The following STPG2 variants were observed in gnomAD, a reference collection of about 807,000 sequenced individuals.
The protein encoded by STPG2 is sperm tail PG-rich repeat containing 2.
In STPG2, 56 loss-of-function variants were observed where a neutral mutation model predicts 54.2. That is an observed-to-expected ratio of 1.03 (90% CI 0.83 to 1.29). The LOEUF (loss-of-function observed/expected upper bound fraction) is 1.29, where lower values mean the gene tolerates loss of function less well. STPG2 is among the 50% of genes most tolerant of loss of function. The probability of loss-of-function intolerance (pLI) is 0.00; values close to 1 mark genes in which losing one functional copy is unlikely to be tolerated. For missense variants in STPG2, 596 were observed against 544.9 expected (o/e 1.09, Z -0.93); for synonymous variants, 200 against 181.8 (o/e 1.10, Z -0.81).
intron 9 of STPG2, among the ~76,000 whole-genome samples, chr4:97,782,014 A>C (rs1726644108): frequency 1.3e-5 from 2 of 152,208 alleles, no homozygotes; most frequent in African/African-American, 4.8e-5. Context: ...TCCCTTTGAA[A>C]ACTGGCACAA....
At chr4:97,965,411 G>C (rs531443678) in intron 7 of STPG2, among the ~76,000 whole-genome samples, 7 of 152,330 alleles carry the variant, frequency 4.6e-5, no homozygotes, top group Non-Finnish European at 8.8e-5. Flanking sequence ...TTGGTGGGCA[G>C]GGCATAGTGA....
chr4:97,741,001 G>T (rs1725208982), intron 9 of STPG2, among the ~76,000 whole-genome samples: 1 of 152,022 alleles, frequency 6.6e-6, no homozygotes, highest in African/African-American at 2.4e-5. Flanking sequence ...GCATGGTACT[G>T]GTACCAAACA....
chr4:97,979,878 C>T (rs943604635), intron 6 of STPG2, among the ~76,000 whole-genome samples: 1 of 152,016 alleles, frequency 6.6e-6, no homozygotes, highest in South Asian at 2.1e-4. Flanking sequence ...ATGCGCACCA[C>T]CACACCCGAC....
At chr4:97,469,357 A>G (rs1233289741) in intron 4 of STPG2, among the ~76,000 whole-genome samples, 1 of 152,128 alleles carries the variant, frequency 6.6e-6, no homozygotes. Flanking sequence ...CCAAAACCAG[A>G]AATGAAGGAA....
At chr4:97,749,900 G>A (rs1725531980) in intron 9 of STPG2, among the ~76,000 whole-genome samples, 1 of 151,712 alleles carries the variant, frequency 6.6e-6, no homozygotes, top group Admixed American at 6.6e-5. Context: ...TTATTTCTGA[G>A]AATCTTGTGA....
At position 98,140,927 on chromosome 4, in the gene STPG2, C is replaced by A. The variant is rs1740264491; in HGVS notation, c.109+2115G>T. On this transcript the variant is annotated intron_variant, in intron 1 of 10. Transcript: ENST00000295268. ...AAATCACCTGTATCTCTTAAGATTT[C>A]CTTCTGGGAGTCATCAGAATCAGAA... is the stretch of plus-strand genomic sequence containing the variant. 2.0e-5 allele frequency among the ~76,000 whole-genome samples: 3 copies of A among 152,150 alleles called. No homozygotes were observed. In the South Asian group the frequency reaches 6.2e-4, roughly 31 times the overall value.
chr4:97,965,792 A>AACTAACAAACAAAAAGGAAT (rs1398641341), intron 7 of STPG2, among the ~76,000 whole-genome samples: 1 of 152,216 alleles, frequency 6.6e-6, no homozygotes, highest in Admixed American at 6.5e-5. Flanking sequence ...TTAAAAGGAA[A>AACTAACAAACAAAAAGGAAT]ACTAACAAAC....
chr4:97,471,498 A>T (rs1729927540), intron 4 of STPG2, among the ~76,000 whole-genome samples: 1 of 152,150 alleles, frequency 6.6e-6, no homozygotes, highest in Non-Finnish European at 1.5e-5. Context: ...TAAGTAATTG[A>T]AGTGATTCTT....
intron 8 of STPG2, among the ~76,000 whole-genome samples, chr4:97,906,428 A>C (rs142570626): frequency 0.071 from 10,784 of 152,266 alleles, 550 homozygotes; most frequent in Non-Finnish European, 0.11. Context: ...GCCGAATTCT[A>C]CCAGAGGTAC....
At chr4:97,664,926 G>C (rs1235281751) in intron 10 of STPG2, among the ~76,000 whole-genome samples, 1 of 152,004 alleles carries the variant, frequency 6.6e-6, no homozygotes, top group Non-Finnish European at 1.5e-5. Flanking sequence ...CAAGCGTGGG[G>C]TCCAGCCACT....
chr4:97,473,501 C>A (rs1729994941), intron 4 of STPG2, among the ~76,000 whole-genome samples: 1 of 152,130 alleles, frequency 6.6e-6, no homozygotes, highest in Non-Finnish European at 1.5e-5. Context: ...TTTGGTCAGA[C>A]CGGTTGCTCT....
intron 9 of STPG2, among the ~76,000 whole-genome samples, chr4:97,808,676 T>G (rs1578583201): frequency 7.5e-6 from 1 of 132,912 alleles, no homozygotes; most frequent in African/African-American, 2.9e-5. Flanking sequence ...ATTTTTAAAT[T>G]AGATATAAAA....
At chr4:97,859,776 TC>T (rs1560558321) in intron 8 of STPG2, among the ~76,000 whole-genome samples, 1 of 152,188 alleles carries the variant, frequency 6.6e-6, no homozygotes, top group Non-Finnish European at 1.5e-5. Flanking sequence ...AGCTTTTGAG[TC>T]CTTGGTCATC....
At chr4:97,816,790 TTCTG>T (rs1394485832) in intron 9 of STPG2, among the ~76,000 whole-genome samples, 6 of 151,082 alleles carry the variant, frequency 4.0e-5, no homozygotes, top group African/African-American at 1.5e-4. Flanking sequence ...TTCACTCTCT[TTCTG>T]TCTCTCTCTC....
At chr4:97,701,951 G>A (rs1723792907) in intron 10 of STPG2, among the ~76,000 whole-genome samples, 1 of 152,082 alleles carries the variant, frequency 6.6e-6, no homozygotes, top group African/African-American at 2.4e-5. Context: ...ATTGTTAGAT[G>A]TGACATACAG....
Position 97,834,892 on chromosome 4 carries a change from A to G in STPG2, c.1204+5881T>C, listed in dbSNP as rs544111382. Among the ~76,000 whole-genome samples, 11 of 152,112 alleles carry G rather than the reference A, an allele frequency of 7.2e-5. No individual in the cohort carries two copies. In the South Asian group the frequency reaches 2.1e-3, roughly 29 times the overall value. On this transcript the variant is annotated intron_variant, in intron 9 of 10. Transcript: ENST00000295268. Reference sequence around the variant, plus strand: ...GACCCAATAGTTAGGCAGCAATATTATTGCCCCTGTTCAGCCTGAAGTTAC... The same window carrying G: ...GACCCAATAGTTAGGCAGCAATATTGTTGCCCCTGTTCAGCCTGAAGTTAC...
chr4:97,984,801 T>TTCCATGGTGTAAATAC (rs11272449), intron 5 of STPG2, among the ~76,000 whole-genome samples: 127,376 of 152,058 alleles, frequency 0.84, 53,520 homozygotes, highest in Middle Eastern at 0.94. Flanking sequence ...ATTTGCTGAT[T>TTCCATGGTGTAAATAC]ACCCGCAACA....
chr4:97,867,730 T>C (rs1729844563), intron 8 of STPG2, among the ~76,000 whole-genome samples: 1 of 152,060 alleles, frequency 6.6e-6, no homozygotes, highest in Non-Finnish European at 1.5e-5. Context: ...CAAGCTCTTC[T>C]GTTTTCTACT....
chr4:97,469,852 A>G (rs1187600799), intron 4 of STPG2, among the ~76,000 whole-genome samples: 1 of 152,050 alleles, frequency 6.6e-6, no homozygotes, highest in Non-Finnish European at 1.5e-5. Context: ...GTGCCAAAAA[A>G]AGGTTGTGTT....
Sources: gnomAD v4.1 joint callset for allele counts (sites outside exome capture counted in the v4.1 genomes callset) on GRCh38, gnomAD v4.1.1 for gene constraint, MANE v1.5 for transcripts, NCBI Gene and HGNC (gene_info 2026-07-23, HGNC 2026-07-21) for gene names.